NDST3: variants seen among roughly 807,000 people sequenced by gnomAD.
The protein encoded by NDST3 is bifunctional heparan sulfate N-deacetylase/N-sulfotransferase 3.
A neutral mutation model predicts 96.1 loss-of-function variants in NDST3; 58 were observed. The observed-to-expected ratio is 0.60, with a 90% CI of 0.49 to 0.75. The LOEUF (loss-of-function observed/expected upper bound fraction) is 0.75, where lower values mean the gene tolerates loss of function less well. NDST3 is among the 30% of genes least tolerant of loss of function. NDST3 has a pLI of 0.00. For synonymous variants in NDST3, 333 were observed against 359.7 expected (o/e 0.93, Z 0.84); for missense variants, 788 against 1,034.2 (o/e 0.76, Z 3.27).
intron 6 of NDST3, among the ~76,000 whole-genome samples, chr4:118,144,002 CA>C (rs2125906991): frequency 7.1e-6 from 1 of 141,802 alleles, no homozygotes; most frequent in East Asian, 2.0e-4. Context: ...CACGGGGAAC[CA>C]TTTTTTTTTC....
intron 2 of NDST3, among the ~76,000 whole-genome samples, chr4:118,058,892 CTTG>C (rs1164655132): frequency 7.2e-5 from 11 of 152,194 alleles, no homozygotes; most frequent in Non-Finnish European, 1.3e-4. Context: ...TTAACTCACT[CTTG>C]TTGTAAGATC....
In NDST3 at chr4:118,167,054, GA is replaced by G. The variant is rs907646125; in HGVS notation, c.1539+23381del. Among the ~76,000 whole-genome samples, 955 of 138,064 alleles carry G rather than the reference GA, an allele frequency of 6.9e-3. 11 individuals carry two copies. Among genetic ancestry groups the G allele is most frequent in the African/African-American group, 0.022 (848 of 37,972 alleles). 90.6% of individuals were successfully genotyped at this position (138,064 alleles called of 152,430 possible). A position where few individuals can be genotyped will look rare whatever the true frequency, so the allele number is the denominator to read the frequency against. On this transcript the variant is annotated intron_variant, in intron 6 of 13. Coordinates refer to ENST00000296499, the MANE Select transcript of NDST3 (RefSeq NM_004784.3). ...AGTACTAGCCATAGCAGTTAGGCAA[GA>G]AAAAAAAAAAGACATCCAAATTGTA...
intron 7 of NDST3, among the ~76,000 whole-genome samples, chr4:118,225,160 T>C (rs618177): frequency 0.36 from 54,198 of 152,042 alleles, 11,849 homozygotes; most frequent in Middle Eastern, 0.51. Flanking sequence ...AAAGTATTAA[T>C]TGGGGATTAA....
At chr4:118,190,356 C>T (rs938209354) in intron 6 of NDST3, among the ~76,000 whole-genome samples, 10 of 152,020 alleles carry the variant, frequency 6.6e-5, no homozygotes, top group African/African-American at 2.4e-4. Context: ...GAATTAAACT[C>T]ATGTTTAATA....
At chr4:118,093,922 A>C (rs1729086481) in intron 2 of NDST3, among the ~76,000 whole-genome samples, 1 of 151,854 alleles carries the variant, frequency 6.6e-6, no homozygotes, top group Admixed American at 6.6e-5. Flanking sequence ...TGCTTCCAAA[A>C]TGGAACCTTG....
chr4:118,161,681 G>T (rs1369183056), intron 6 of NDST3, among the ~76,000 whole-genome samples: 1 of 152,204 alleles, frequency 6.6e-6, no homozygotes, highest in Non-Finnish European at 1.5e-5. Flanking sequence ...CGAGCCATGT[G>T]AGGGATATAA....
At chr4:118,115,168 G>A (rs1461877867) in intron 4 of NDST3, among the ~76,000 whole-genome samples, 1 of 152,162 alleles carries the variant, frequency 6.6e-6, no homozygotes, top group East Asian at 1.9e-4. Flanking sequence ...TCTAATTTGA[G>A]AGGGACCTCA....
chr4:118,253,680 G>T, intron 13 of NDST3, 79 bp downstream of exon 13: 1 of 967,552 alleles, frequency 1.0e-6, no homozygotes, highest in South Asian at 1.8e-5. Context: ...TAAAAAACTA[G>T]TTAAAGTCAA....
chr4:118,216,538 T>G (rs1739203996), intron 6 of NDST3, among the ~76,000 whole-genome samples: 1 of 152,110 alleles, frequency 6.6e-6, no homozygotes, highest in Non-Finnish European at 1.5e-5. Context: ...ATTAAAGTAC[T>G]GAGAGTTTAA....
chr4:118,124,497 C>T (rs543508837), intron 4 of NDST3, among the ~76,000 whole-genome samples: 20 of 152,124 alleles, frequency 1.3e-4, no homozygotes, highest in South Asian at 1.2e-3. Flanking sequence ...AATTGAGGCA[C>T]GGTGAATTTG....
chr4:118,154,036 T>G (rs1003650254), intron 6 of NDST3, among the ~76,000 whole-genome samples: 2 of 152,130 alleles, frequency 1.3e-5, no homozygotes, highest in Admixed American at 1.3e-4. Flanking sequence ...TGAACACCTA[T>G]TAGTGTTATA....
At chr4:118,042,036 G>A (rs1240793669) in intron 1 of NDST3, among the ~76,000 whole-genome samples, 1 of 152,166 alleles carries the variant, frequency 6.6e-6, no homozygotes, top group Non-Finnish European at 1.5e-5. Context: ...ACATTCAGAC[G>A]TGCCTGTAAC....
intron 6 of NDST3, among the ~76,000 whole-genome samples, chr4:118,220,394 T>C (rs1289472123): frequency 6.6e-6 from 1 of 151,734 alleles, no homozygotes; most frequent in Admixed American, 6.6e-5. Context: ...TAAGAGGTAG[T>C]TGAACAATGA....
At chr4:118,153,396 A>T (rs1274870437) in intron 6 of NDST3, among the ~76,000 whole-genome samples, 1 of 152,226 alleles carries the variant, frequency 6.6e-6, no homozygotes, top group Non-Finnish European at 1.5e-5. Flanking sequence ...GAATGAATGA[A>T]CTTAAATGTC....
chr4:118,229,266 A>C (rs781652765), intron 8 of NDST3, among the ~76,000 whole-genome samples: 55 of 152,174 alleles, frequency 3.6e-4, no homozygotes, highest in Non-Finnish European at 7.1e-4. Context: ...GCATCACTGC[A>C]CTCCAGCCTG....
intron 6 of NDST3, among the ~76,000 whole-genome samples, chr4:118,165,915 A>C (rs994925516): frequency 6.6e-6 from 1 of 151,978 alleles, no homozygotes; most frequent in Admixed American, 6.6e-5. Context: ...CAAAAGCAGT[A>C]TTATGAGGGA....
chr4:118,199,195 C>T (rs1737901868), intron 6 of NDST3, among the ~76,000 whole-genome samples: 2 of 152,080 alleles, frequency 1.3e-5, no homozygotes, highest in South Asian at 4.1e-4. Flanking sequence ...CTTAGATTTG[C>T]CCTTTTGAGG....
chr4:118,224,551 T>C lies in NDST3; in HGVS notation c.1600T>C (p.Phe534Leu). ...GAATGACCGACTGGGATTATATACATTTGTTAATCTGGCCAACTTTGTGAA... is the reference window on the plus strand; with the variant it reads ...GAATGACCGACTGGGATTATATACACTTGTTAATCTGGCCAACTTTGTGAA... ...YGNDRLGLYTFVNLANFVKSW... is the reference protein window; with the variant it reads ...YGNDRLGLYTLVNLANFVKSW... The change falls in exon 7 of 14, where the codon TTT becomes CTT. Residue 534 changes from phenylalanine (F) to leucine (L), a missense_variant. By Grantham distance (22) the Phe-to-Leu change is conservative. This residue lies in a region of NDST3 where 490 missense variants were observed against 708.8 expected (regional missense o/e 0.69). Coordinates refer to ENST00000296499, the MANE Select transcript of NDST3 (RefSeq NM_004784.3). 6.2e-7 allele frequency: 1 copy of C among 1,613,014 alleles called. No individual in the cohort carries two copies. Among genetic ancestry groups the C allele is most frequent in the Non-Finnish European group, 8.5e-7 (1 of 1,179,382 alleles).
At chr4:118,034,129 T>C (rs775080107), upstream of NDST3, among the ~76,000 whole-genome samples, 19 of 152,182 alleles carry the variant, frequency 1.2e-4, no homozygotes, top group Non-Finnish European at 2.4e-4. Flanking sequence ...AAACAGCCTC[T>C]TGAGTGACTG....
Sources: gnomAD v4.1 joint callset for allele counts (sites outside exome capture counted in the v4.1 genomes callset) on GRCh38, gnomAD v4.1.1 for gene constraint, gnomAD v4.1.1 regional missense constraint, MANE v1.5 for transcripts, NCBI Gene and HGNC (gene_info 2026-07-23, HGNC 2026-07-21) for gene names.